Variants in PHF21B observed in about 807,000 individuals in gnomAD.
PHF21B encodes the protein PHD finger protein 21B.
In PHF21B, 22 loss-of-function variants were observed where a neutral mutation model predicts 62.2. The ratio of observed to expected loss-of-function variants is 0.35; its 90% CI spans 0.25 to 0.51. The LOEUF is 0.51. Ranked by LOEUF, PHF21B falls within the 20% of genes least tolerant of loss-of-function variation. PHF21B has a pLI of 0.97. For missense variants in PHF21B, 701 were observed against 707.9 expected (o/e 0.99, Z 0.11); for synonymous variants, 341 against 314.7 (o/e 1.08, Z -0.88).
chr22:44,925,031 CAAAA>C (rs1366545664), intron 2 of PHF21B, among the ~76,000 whole-genome samples: 1 of 151,968 alleles, frequency 6.6e-6, no homozygotes, highest in Non-Finnish European at 1.5e-5. Context: ...ATAACACTGC[CAAAA>C]AAACCCAGAC....
chr22:44,914,589 G>A (rs770789642), intron 4 of PHF21B, among the ~76,000 whole-genome samples: 3 of 152,224 alleles, frequency 2.0e-5, no homozygotes, highest in African/African-American at 4.8e-5. Flanking sequence ...AGGTCAGCCT[G>A]GCTCCGTTTC....
intron 2 of PHF21B, among the ~76,000 whole-genome samples, chr22:44,924,783 G>A (rs1267204425): frequency 1.3e-5 from 2 of 152,160 alleles, no homozygotes; most frequent in Non-Finnish European, 2.9e-5. Flanking sequence ...TTTATGATAC[G>A]AGACAGCCAT....
At chr22:44,905,663 C>T (rs1455643423) in intron 5 of PHF21B, among the ~76,000 whole-genome samples, 4 of 152,064 alleles carry the variant, frequency 2.6e-5, no homozygotes, top group Admixed American at 6.5e-5. Context: ...GAATCTCGCT[C>T]GGTCACCCAG....
chr22:45,005,102 G>A (rs1024091033), intron 2 of PHF21B, among the ~76,000 whole-genome samples: 1 of 152,232 alleles, frequency 6.6e-6, no homozygotes, highest in East Asian at 1.9e-4. Context: ...ATTTACGCTG[G>A]GTCTTTAACT....
intron 2 of PHF21B, among the ~76,000 whole-genome samples, chr22:44,970,522 A>G (rs1398060792): frequency 6.6e-6 from 1 of 151,930 alleles, no homozygotes; most frequent in Non-Finnish European, 1.5e-5. Context: ...CCCCTTAACC[A>G]CCTCAGCAGT....
At chr22:44,894,110 G>A (rs1011440931) in intron 6 of PHF21B, among the ~76,000 whole-genome samples, 4 of 152,198 alleles carry the variant, frequency 2.6e-5, no homozygotes, top group African/African-American at 7.2e-5. Flanking sequence ...CTGTGCTAGC[G>A]TCTTCTAATC....
chr22:44,947,813 C>T (rs1569246939), intron 2 of PHF21B, among the ~76,000 whole-genome samples: 1 of 152,136 alleles, frequency 6.6e-6, no homozygotes. Flanking sequence ...GTCACTTCGG[C>T]TCTGCTTGGT....
At chr22:44,926,587 G>C (rs1273291520) in intron 2 of PHF21B, among the ~76,000 whole-genome samples, 3 of 152,230 alleles carry the variant, frequency 2.0e-5, no homozygotes, top group Non-Finnish European at 2.9e-5. Flanking sequence ...GTGTGAAGTT[G>C]CTCCTGCAGA....
At chr22:44,944,646 TC>T (rs1411171423) in intron 2 of PHF21B, among the ~76,000 whole-genome samples, 1 of 152,182 alleles carries the variant, frequency 6.6e-6, no homozygotes, top group East Asian at 1.9e-4. Flanking sequence ...CGCTGGCCCA[TC>T]CTGGTTCCTC....
chr22:44,897,447 C>T (rs373679771), intron 5 of PHF21B, among the ~76,000 whole-genome samples: 13 of 152,026 alleles, frequency 8.6e-5, no homozygotes, highest in African/African-American at 1.5e-4. Flanking sequence ...CTGTTGGTGA[C>T]GGGAGTGAGG....
At chr22:44,896,382 A>G (rs1432840781) in intron 5 of PHF21B, among the ~76,000 whole-genome samples, 2 of 152,172 alleles carry the variant, frequency 1.3e-5, no homozygotes, top group Admixed American at 1.3e-4. Context: ...TGCCCCAACC[A>G]CTAAGGCCCC....
At chr22:44,898,085 G>A (rs576277549) in intron 5 of PHF21B, among the ~76,000 whole-genome samples, 2 of 152,294 alleles carry the variant, frequency 1.3e-5, no homozygotes, top group South Asian at 4.1e-4. Flanking sequence ...CTGGGATACA[G>A]GTGTGAGCCA....
At chr22:45,004,665 C>T (rs917978644) in intron 2 of PHF21B, among the ~76,000 whole-genome samples, 10 of 152,300 alleles carry the variant, frequency 6.6e-5, no homozygotes, top group Middle Eastern at 3.4e-3. Flanking sequence ...TACCAAAGGA[C>T]TGCAAACAAT....
At chr22:44,925,405 GC>G (rs930576526) in intron 2 of PHF21B, among the ~76,000 whole-genome samples, 1 of 152,050 alleles carries the variant, frequency 6.6e-6, no homozygotes, top group Non-Finnish European at 1.5e-5. Context: ...AGGGTCTCAG[GC>G]CCCACCACAG....
intron 2 of PHF21B, among the ~76,000 whole-genome samples, chr22:44,950,106 T>C (rs548538944): frequency 6.6e-6 from 1 of 152,334 alleles, no homozygotes; most frequent in South Asian, 2.1e-4. Flanking sequence ...AAGTGATCAA[T>C]TCACCTTTCC....
In PHF21B at chr22:45,006,388, C is replaced by T. The variant is rs550542654; in HGVS notation, c.120+2157G>A. Among the ~76,000 whole-genome samples, 169 of 152,314 alleles carry T rather than the reference C, an allele frequency of 1.1e-3. 1 individual carries two copies. Among genetic ancestry groups the T allele is most frequent in the African/African-American group, 3.9e-3 (164 of 41,570 alleles). ...CTTTTTAAACACACACTCACACACA[C>T]AAAAAGATGGAGGTCAGTTCGCAAG... On this transcript the variant is annotated intron_variant, in intron 2 of 12. Transcript: ENST00000313237.
Position 44,910,425 on chromosome 22 carries a change from G to A in PHF21B, c.831+3397C>T, listed in dbSNP as rs144656451. Among the ~76,000 whole-genome samples, 746 of 152,242 alleles carry A rather than the reference G, an allele frequency of 4.9e-3. 5 individuals carry two copies. Among genetic ancestry groups the A allele is most frequent in the African/African-American group, 0.017 (699 of 41,532 alleles). Reference sequence around the variant, plus strand: ...CAACATGGAGAGACCCTGTGATATGGTTTGGTTGTGTCCCCATCCAAATCT... The same window carrying A: ...CAACATGGAGAGACCCTGTGATATGATTTGGTTGTGTCCCCATCCAAATCT... On this transcript the variant is annotated intron_variant, in intron 5 of 12. Coordinates refer to ENST00000313237, the MANE Select transcript of PHF21B (RefSeq NM_138415.5).
chr22:44,989,420 A>T (rs1431895309), intron 2 of PHF21B: 1 of 152,138 alleles, frequency 6.6e-6, no homozygotes, highest in Non-Finnish European at 1.5e-5. Flanking sequence ...ACGTGAATCC[A>T]ACGGGTTAAT....
At chr22:44,896,883 T>TTTTTTTTTTTTTTTTTTTTTG (rs1555933178) in intron 5 of PHF21B, among the ~76,000 whole-genome samples, 1 of 132,318 alleles carries the variant, frequency 7.6e-6, no homozygotes, top group Non-Finnish European at 1.6e-5. Context: ...TTTATCTGTT[T>TTTTTTTTTTTTTTTTTTTTTG]TTTTTTTTTT....
Sources: gnomAD v4.1 joint callset for allele counts (sites outside exome capture counted in the v4.1 genomes callset) on GRCh38, gnomAD v4.1.1 for gene constraint, MANE v1.5 for transcripts, NCBI Gene and HGNC (gene_info 2026-07-23, HGNC 2026-07-21) for gene names.